Variants in PRICKLE2 observed in about 807,000 individuals in gnomAD.
PRICKLE2 encodes the protein prickle planar cell polarity protein 2, also known as prickle-like protein 2.
PRICKLE2 carries 21 observed loss-of-function variants against 81.4 expected under a neutral mutation model. The ratio of observed to expected loss-of-function variants is 0.26; its 90% CI spans 0.18 to 0.37. PRICKLE2 has a LOEUF of 0.37. Among genes scored for constraint, PRICKLE2 ranks in the 10% least tolerant of loss-of-function variants. PRICKLE2 has a pLI of 1.00. For missense variants in PRICKLE2, 940 were observed against 1,109.0 expected (o/e 0.85, Z 2.16); for synonymous variants, 456 against 421.5 (o/e 1.08, Z -1.00).
At chr3:64,208,146 G>A (rs2078722700) in intron 1 of PRICKLE2, among the ~76,000 whole-genome samples, 1 of 152,172 alleles carries the variant, frequency 6.6e-6, no homozygotes, top group Admixed American at 6.5e-5. Context: ...TTTCTAGACT[G>A]CAGGCTGCCT....
chr3:64,160,941 TAAAAAC>T (rs1377104942), intron 3 of PRICKLE2, among the ~76,000 whole-genome samples: 4 of 142,772 alleles, frequency 2.8e-5, no homozygotes, highest in African/African-American at 5.0e-5. Flanking sequence ...ATATCACCCG[TAAAAAC>T]AAAAACAAAA....
At chr3:64,174,995 T>C in intron 2 of PRICKLE2, 1 of 170,864 alleles carries the variant, frequency 5.9e-6, no homozygotes, top group Non-Finnish European at 1.3e-5. Flanking sequence ...CCCAGTGGGC[T>C]AAAACGTGGA....
At chr3:64,236,681 C>T (rs1240390959) in intron 2 of PRICKLE2, among the ~76,000 whole-genome samples, 1 of 152,224 alleles carries the variant, frequency 6.6e-6, no homozygotes, top group Non-Finnish European at 1.5e-5. Flanking sequence ...TATAATGGAA[C>T]TCACCCTGGT....
rs569022430 is a variant in PRICKLE2 at position 64,190,416 on chromosome 3, C to T, written c.144+8368G>A. 7.2e-5 allele frequency: 11 copies of T among 151,864 alleles called. No homozygotes were observed. The East Asian group carries it at 1.9e-3, about 27-fold the overall frequency. 9.4% of individuals were successfully genotyped at this position (151,864 alleles called of 1,614,324 possible). A position where few individuals can be genotyped will look rare whatever the true frequency, so the allele number is the denominator to read the frequency against. ...TATGTTTTTTTAAAAAAAATCACAA[C>T]CTGAAATTATCTTACTTATTTGTTT... On this transcript the variant is annotated intron_variant, in intron 2 of 7. Transcript: ENST00000638394.
intron 2 of PRICKLE2, among the ~76,000 whole-genome samples, chr3:64,236,395 C>T (rs1406657168): frequency 6.6e-6 from 1 of 152,180 alleles, no homozygotes; most frequent in Non-Finnish European, 1.5e-5. Context: ...CCATAAACTG[C>T]CACAGCTGAT....
At chr3:64,150,942 G>T (rs568091997) in intron 6 of PRICKLE2, among the ~76,000 whole-genome samples, 1 of 152,308 alleles carries the variant, frequency 6.6e-6, no homozygotes, top group Admixed American at 6.5e-5. Flanking sequence ...CTGGAAAAGG[G>T]CTCTGCTGTT....
chr3:64,168,117 C>A (rs1309440597), intron 2 of PRICKLE2, among the ~76,000 whole-genome samples: 1 of 152,120 alleles, frequency 6.6e-6, no homozygotes, highest in African/African-American at 2.4e-5. Flanking sequence ...CTGGCAAGAA[C>A]AAGAAATCCT....
intron 2 of PRICKLE2, among the ~76,000 whole-genome samples, chr3:64,248,390 A>G (rs1455191499): frequency 6.6e-6 from 1 of 152,206 alleles, no homozygotes; most frequent in Non-Finnish European, 1.5e-5. Flanking sequence ...CCAATGAGAA[A>G]AGATCAGAGA....
chr3:64,172,701 C>T (rs891918587), intron 2 of PRICKLE2, among the ~76,000 whole-genome samples: 1 of 151,948 alleles, frequency 6.6e-6, no homozygotes, highest in Non-Finnish European at 1.5e-5. Flanking sequence ...GAATTGTGTA[C>T]CCCCTGTGAT....
At chr3:64,109,754 T>C (rs1261765209) in intron 7 of PRICKLE2, among the ~76,000 whole-genome samples, 1 of 152,182 alleles carries the variant, frequency 6.6e-6, no homozygotes, top group Non-Finnish European at 1.5e-5. Flanking sequence ...TGATCTTGGT[T>C]TTCCCAACAA....
intron 2 of PRICKLE2, among the ~76,000 whole-genome samples, chr3:64,182,934 T>C (rs947275917): frequency 6.6e-6 from 1 of 151,718 alleles, no homozygotes; most frequent in Non-Finnish European, 1.5e-5. Context: ...GGAAAAAAGA[T>C]AGCAAATAGA....
intron 2 of PRICKLE2, among the ~76,000 whole-genome samples, chr3:64,180,822 C>T (rs9713970): frequency 0.2 from 30,916 of 152,110 alleles, 3,388 homozygotes; most frequent in African/African-American, 0.25. Context: ...TGTGAGCCAC[C>T]GCCCAGCTGA....
chr3:64,254,632 C>A (rs1337714216), intron 2 of PRICKLE2, among the ~76,000 whole-genome samples: 1 of 152,214 alleles, frequency 6.6e-6, no homozygotes, highest in Non-Finnish European at 1.5e-5. Context: ...TCCACCCACG[C>A]AGTCCTAGTC....
intron 5 of PRICKLE2, among the ~76,000 whole-genome samples, chr3:64,156,841 G>A (rs2077643222): frequency 6.6e-6 from 1 of 152,172 alleles, no homozygotes; most frequent in African/African-American, 2.4e-5. Context: ...ATCTAAAGAT[G>A]CACAATGCAA....
At chr3:64,213,095 AG>A (rs2078816805) in intron 1 of PRICKLE2, among the ~76,000 whole-genome samples, 1 of 92,928 alleles carries the variant, frequency 1.1e-5, no homozygotes, top group South Asian at 3.4e-4. Context: ...TTTTTTTTTG[AG>A]ATGGAATTTT....
At chr3:64,221,743 A>T (rs1209283606) in intron 1 of PRICKLE2, among the ~76,000 whole-genome samples, 2 of 152,164 alleles carry the variant, frequency 1.3e-5, no homozygotes, top group African/African-American at 2.4e-5. Context: ...TCTGAGGGAC[A>T]GAGCCTTTTG....
intron 1 of PRICKLE2, among the ~76,000 whole-genome samples, chr3:64,218,560 C>G (rs2078906610): frequency 6.6e-6 from 1 of 152,212 alleles, no homozygotes. Flanking sequence ...CAAACCCTTC[C>G]TCCTAATTCA....
rs372321276 is a variant in PRICKLE2, at chr3:64,138,158, C to A, written c.1660+8672G>T. ...TGGTGCCTGTGGTTTTACCTCCTTG[C>A]AGCTTAATCCCTCTTCCTTTGAAAA... On this transcript the variant is annotated intron_variant, in intron 7 of 7. Transcript: ENST00000638394. 4.6e-5 allele frequency among the ~76,000 whole-genome samples: 7 copies of A among 152,202 alleles called. No homozygotes were observed. In the East Asian group the frequency reaches 7.7e-4, roughly 17 times the overall value.
chr3:64,232,580 C>T (rs1399651802), intron 2 of PRICKLE2, among the ~76,000 whole-genome samples: 1 of 152,036 alleles, frequency 6.6e-6, no homozygotes, highest in African/African-American at 2.4e-5. Context: ...TCATGCTCAT[C>T]TCCTTCAGAG....
Sources: gnomAD v4.1 joint callset for allele counts (sites outside exome capture counted in the v4.1 genomes callset) on GRCh38, gnomAD v4.1.1 for gene constraint, MANE v1.5 for transcripts, NCBI Gene and HGNC (gene_info 2026-07-23, HGNC 2026-07-21) for gene names.